The following SCHIP1 variants were observed in gnomAD, a reference collection of about 807,000 sequenced individuals.
The protein encoded by SCHIP1 is schwannomin interacting protein 1.
SCHIP1 carries 8 observed loss-of-function variants against 29.7 expected under a neutral mutation model. The observed-to-expected ratio is 0.27, with a 90% CI of 0.16 to 0.49. The LOEUF (loss-of-function observed/expected upper bound fraction) is 0.49. Among genes scored for constraint, SCHIP1 ranks in the 20% least tolerant of loss-of-function variants. The pLI, the probability that SCHIP1 is intolerant of heterozygous loss-of-function variation, is 0.99. For missense variants in SCHIP1, 193 were observed against 294.6 expected (o/e 0.66, Z 2.52); for synonymous variants, 76 against 94.9 (o/e 0.80, Z 1.16).
chr3:159,894,581 C>G (rs1032815873), intron 6 of SCHIP1: 1 of 152,198 alleles, frequency 6.6e-6, no homozygotes, highest in Non-Finnish European at 1.5e-5. Flanking sequence ...TATTTGTCTG[C>G]TGTCTCTCCC....
the SCHIP1 span, among the ~76,000 whole-genome samples, chr3:159,497,623 TAAG>T: frequency 2.0e-5 from 3 of 149,792 alleles, no homozygotes; most frequent in African/African-American, 4.9e-5. Flanking sequence ...AGAAGATGAA[TAAG>T]AAGAACAACA....
At chr3:159,518,932 GA>G in the SCHIP1 span, among the ~76,000 whole-genome samples, 1 of 152,054 alleles carries the variant, frequency 6.6e-6, no homozygotes, top group African/African-American at 2.4e-5. Flanking sequence ...AAATTAGGTA[GA>G]AAATTTACAC....
chr3:159,516,627 A>G, the SCHIP1 span, among the ~76,000 whole-genome samples: 1 of 152,136 alleles, frequency 6.6e-6, no homozygotes, highest in African/African-American at 2.4e-5. Context: ...TCTCTCATCT[A>G]TCCCAAGATC....
chr3:159,562,371 C>T, the SCHIP1 span, among the ~76,000 whole-genome samples: 5 of 152,162 alleles, frequency 3.3e-5, no homozygotes, highest in Non-Finnish European at 7.3e-5. Flanking sequence ...AAGATTGTCC[C>T]ACCTCCACTG....
At chr3:159,669,402 C>T in the SCHIP1 span, among the ~76,000 whole-genome samples, 2 of 152,208 alleles carry the variant, frequency 1.3e-5, no homozygotes, top group Admixed American at 6.5e-5. Flanking sequence ...CTACTATTCA[C>T]GTCACTATAT....
At chr3:159,451,171 C>T in the SCHIP1 span, among the ~76,000 whole-genome samples, 40,022 of 152,054 alleles carry the variant, frequency 0.26, 6,693 homozygotes, top group African/African-American at 0.48. Context: ...CTGTAATAAG[C>T]TAAGATTTTG....
the SCHIP1 span, among the ~76,000 whole-genome samples, chr3:159,399,219 C>A: frequency 4.5e-4 from 69 of 152,250 alleles, no homozygotes; most frequent in African/African-American, 1.7e-3. Flanking sequence ...TGTGGCCTTA[C>A]CAAGATCACA....
At chr3:159,494,335 A>G in the SCHIP1 span, among the ~76,000 whole-genome samples, 5 of 152,326 alleles carry the variant, frequency 3.3e-5, no homozygotes, top group East Asian at 9.6e-4. Flanking sequence ...TGAAAAGATC[A>G]ACAAAATTGA....
At chr3:159,273,857 T>A in the SCHIP1 span, 5 of 1,613,478 alleles carry the variant, frequency 3.1e-6, no homozygotes, top group Non-Finnish European at 4.2e-6. Context: ...AACGTGGGAC[T>A]GTGACCAGGG....
the SCHIP1 span, among the ~76,000 whole-genome samples, chr3:159,492,073 G>A: frequency 6.6e-6 from 1 of 152,076 alleles, no homozygotes; most frequent in African/African-American, 2.4e-5. Context: ...CAAACAGAAA[G>A]GACATCCACA....
the SCHIP1 span, chr3:159,765,386 G>A: frequency 2.2e-6 from 1 of 464,578 alleles, no homozygotes; most frequent in Non-Finnish European, 3.7e-6. Context: ...GGAAAGTCGG[G>A]TTAGTGGAAC....
chr3:159,412,348 A>G, the SCHIP1 span, among the ~76,000 whole-genome samples: 1 of 152,198 alleles, frequency 6.6e-6, no homozygotes, highest in South Asian at 2.1e-4. Context: ...TTGACAGTAG[A>G]AGGAGGCATG....
At chr3:159,558,008 A>G in the SCHIP1 span, among the ~76,000 whole-genome samples, 1 of 152,198 alleles carries the variant, frequency 6.6e-6, no homozygotes, top group Non-Finnish European at 1.5e-5. Context: ...GATCCGCAAG[A>G]TATAAATTCC....
chr3:159,430,730 A>G, the SCHIP1 span, among the ~76,000 whole-genome samples: 2 of 152,186 alleles, frequency 1.3e-5, no homozygotes, highest in Non-Finnish European at 2.9e-5. Context: ...CAGGGACTCT[A>G]CAGATAGGGG....
the SCHIP1 span, among the ~76,000 whole-genome samples, chr3:159,401,693 A>G: frequency 3.3e-5 from 5 of 152,082 alleles, no homozygotes. Context: ...ACATCTCCCC[A>G]TTGCTTTGGT....
the SCHIP1 span, among the ~76,000 whole-genome samples, chr3:159,699,724 G>A: frequency 6.6e-6 from 1 of 152,166 alleles, no homozygotes; most frequent in Admixed American, 6.5e-5. Context: ...CTAAGATGAG[G>A]TATGACAGGA....
At chr3:159,844,395 A>G (rs184685848) in intron 1 of SCHIP1, among the ~76,000 whole-genome samples, 2 of 150,248 alleles carry the variant, frequency 1.3e-5, no homozygotes, top group East Asian at 1.9e-4. Flanking sequence ...AGAATTTTTC[A>G]TGGTTGTTTG....
the SCHIP1 span, among the ~76,000 whole-genome samples, chr3:159,828,411 A>G: frequency 1.1e-5 from 1 of 92,050 alleles, no homozygotes; most frequent in African/African-American, 3.2e-5. Context: ...ATATATACGT[A>G]TATATACGTA....
the SCHIP1 span, among the ~76,000 whole-genome samples, chr3:159,319,039 C>A: frequency 2.6e-5 from 4 of 152,176 alleles, no homozygotes; most frequent in Non-Finnish European, 2.9e-5. Flanking sequence ...CAAACAGCAT[C>A]CCTATCTGCC....
Sources: gnomAD v4.1 joint callset for allele counts (sites outside exome capture counted in the v4.1 genomes callset) on GRCh38, gnomAD v4.1.1 for gene constraint, MANE v1.5 for transcripts, NCBI Gene and HGNC (gene_info 2026-07-23, HGNC 2026-07-21) for gene names.